METTL24: variants seen among roughly 807,000 people sequenced by gnomAD.
The protein encoded by METTL24 is methyltransferase like 24, also known as probable methyltransferase-like protein 24.
A neutral mutation model predicts 32.7 loss-of-function variants in METTL24; 29 were observed. That is an observed-to-expected ratio of 0.89 (90% CI 0.66 to 1.21). The LOEUF is 1.21. Among genes scored for constraint, METTL24 ranks in the 50% most tolerant of loss-of-function variants. METTL24 has a pLI of 0.00. For missense variants in METTL24, 439 were observed against 468.1 expected (o/e 0.94, Z 0.57); for synonymous variants, 163 against 179.5 (o/e 0.91, Z 0.73).
At chr6:110,345,655 T>C (rs1014714516) in intron 1 of METTL24, among the ~76,000 whole-genome samples, 3 of 152,238 alleles carry the variant, frequency 2.0e-5, no homozygotes, top group African/African-American at 7.2e-5. Context: ...AGGCCATTAC[T>C]GTTAGTAAAC....
At position 110,285,034 on chromosome 6, in the gene METTL24, C is replaced by A. The variant is rs922224861; in HGVS notation, c.786+13888G>T. Among the ~76,000 whole-genome samples the A allele has an allele frequency of 1.3e-5, 2 of 152,216 alleles. 1 individual carries two copies. Among genetic ancestry groups the A allele is most frequent in the South Asian group, 4.1e-4 (2 of 4,834 alleles). On this transcript the variant is annotated intron_variant, in intron 4 of 4. Coordinates refer to ENST00000338882, the MANE Select transcript of METTL24 (RefSeq NM_001123364.3). ...ATAAACAGCAGGCAAAAAGAATAAT[C>A]TCCATTTTCTGACTCTGAAGTGCAG...
At chr6:110,308,120 C>G (rs1009659791) in intron 3 of METTL24, among the ~76,000 whole-genome samples, 5 of 152,128 alleles carry the variant, frequency 3.3e-5, no homozygotes, top group African/African-American at 2.4e-5. Context: ...GGACTGTGCA[C>G]TGAACAACTC....
At chr6:110,326,952 G>T (rs1202065244) in intron 1 of METTL24, among the ~76,000 whole-genome samples, 4 of 152,202 alleles carry the variant, frequency 2.6e-5, no homozygotes, top group African/African-American at 9.6e-5. Flanking sequence ...AGCATTCTTT[G>T]GAAAGAGGCA....
At chr6:110,330,436 A>C (rs1772093179) in intron 1 of METTL24, among the ~76,000 whole-genome samples, 1 of 152,174 alleles carries the variant, frequency 6.6e-6, no homozygotes, top group Non-Finnish European at 1.5e-5. Flanking sequence ...TCATAGATTC[A>C]AAAACCGTAG....
At chr6:110,252,328 C>T (rs116075153) in intron 4 of METTL24, among the ~76,000 whole-genome samples, 10 of 152,276 alleles carry the variant, frequency 6.6e-5, no homozygotes, top group African/African-American at 1.4e-4. Context: ...TAAGTCCTCC[C>T]GACTTGGCTT....
chr6:110,347,285 T>A (rs1031912617), intron 1 of METTL24, among the ~76,000 whole-genome samples: 3 of 152,234 alleles, frequency 2.0e-5, no homozygotes, highest in African/African-American at 7.2e-5. Context: ...TGTTGAGCCC[T>A]GACTTCCCTG....
chr6:110,246,182 G>A lies in METTL24; in HGVS notation c.865C>T (p.Gln289Ter). 6.2e-7 allele frequency: 1 copy of A among 1,614,108 alleles called. No homozygotes were observed. Among genetic ancestry groups the A allele is most frequent in the Non-Finnish European group, 8.5e-7 (1 of 1,180,008 alleles). ...ENLILEDVLEQIGQLIFEIHL... is the reference protein window; with the variant it reads ...ENLILEDVLE ...ATCTCAAAGATGAGCTGTCCAATCT[G>A]CTCAAGAACATCTTCCAGAATAAGA... Residue 289 changes from glutamine (Q) to a stop codon, truncating the protein, a stop_gained, in exon 5 of 5, where the codon CAG becomes TAG. Transcript: ENST00000338882. LOFTEE classifies it high-confidence loss of function.
intron 1 of METTL24, among the ~76,000 whole-genome samples, chr6:110,348,649 C>T (rs1004857285): frequency 4.6e-5 from 7 of 152,240 alleles, no homozygotes; most frequent in South Asian, 2.1e-4. Context: ...GATTTGGGGA[C>T]GGATTCTGAA....
chr6:110,306,496 A>C (rs996451086), intron 3 of METTL24, among the ~76,000 whole-genome samples: 1 of 152,008 alleles, frequency 6.6e-6, no homozygotes, highest in African/African-American at 2.4e-5. Flanking sequence ...AAGCACACAC[A>C]TACACATATA....
rs147092641 is a variant in METTL24 at position 110,350,383 on chromosome 6, A to C, written c.318+7572T>G. On this transcript the variant is annotated intron_variant, in intron 1 of 4. Coordinates refer to ENST00000338882, the MANE Select transcript of METTL24 (RefSeq NM_001123364.3). ...TGTACTAGTTTCAGTTGGGTCTGCCACTTGCAACCCAGAGAGTCCTAACTG... is the reference window on the plus strand; with the variant it reads ...TGTACTAGTTTCAGTTGGGTCTGCCCCTTGCAACCCAGAGAGTCCTAACTG... 9.7e-4 allele frequency among the ~76,000 whole-genome samples: 147 copies of C among 152,274 alleles called. 2 individuals carry two copies. The highest frequency in any genetic ancestry group is 3.3e-3 in the African/African-American group (139 of 41,568).
chr6:110,280,907 CCTTT>C (rs1771125373), intron 4 of METTL24, among the ~76,000 whole-genome samples: 1 of 152,060 alleles, frequency 6.6e-6, no homozygotes, highest in Admixed American at 6.6e-5. Flanking sequence ...CCCACCTCAG[CCTTT>C]CTAAGTGCTG....
chr6:110,268,089 T>C (rs1283187774), intron 4 of METTL24, among the ~76,000 whole-genome samples: 2 of 152,162 alleles, frequency 1.3e-5, no homozygotes. Flanking sequence ...AACCAGCTAG[T>C]CAGCAGGCTA....
chr6:110,351,534 C>G (rs1362783364), intron 1 of METTL24, among the ~76,000 whole-genome samples: 1 of 152,098 alleles, frequency 6.6e-6, no homozygotes, highest in Non-Finnish European at 1.5e-5. Context: ...TCTAGGTGCT[C>G]AAGTCCAAGG....
intron 4 of METTL24, among the ~76,000 whole-genome samples, chr6:110,275,346 TGC>T (rs1562222921): frequency 6.6e-6 from 1 of 152,088 alleles, no homozygotes; most frequent in African/African-American, 2.4e-5. Flanking sequence ...TTACCCTCTG[TGC>T]CAGCCATGCT....
At chr6:110,282,924 C>T (rs1241148059) in intron 4 of METTL24, among the ~76,000 whole-genome samples, 4 of 152,036 alleles carry the variant, frequency 2.6e-5, no homozygotes, top group Non-Finnish European at 4.4e-5. Flanking sequence ...ATCTGATAAA[C>T]GGATTCTTTT....
chr6:110,295,275 T>C (rs1480265616), intron 4 of METTL24, among the ~76,000 whole-genome samples: 1 of 152,164 alleles, frequency 6.6e-6, no homozygotes, highest in Non-Finnish European at 1.5e-5. Flanking sequence ...TAATTTAATT[T>C]CAAAGCCCAT....
At chr6:110,274,880 C>T (rs1008887080) in intron 4 of METTL24, among the ~76,000 whole-genome samples, 1 of 147,882 alleles carries the variant, frequency 6.8e-6, no homozygotes, top group Non-Finnish European at 1.5e-5. Flanking sequence ...CTCACTACAA[C>T]CTCCACCTCT....
At chr6:110,340,921 C>T (rs1414223945) in intron 1 of METTL24, among the ~76,000 whole-genome samples, 5 of 152,046 alleles carry the variant, frequency 3.3e-5, no homozygotes, top group Admixed American at 2.6e-4. Context: ...TAACTATAAC[C>T]TAAGAATTCC....
rs1414249011 is a variant in METTL24, at chr6:110,282,609, G to A, written c.786+16313C>T. Among the ~76,000 whole-genome samples, 3 of 152,212 alleles carry A rather than the reference G, an allele frequency of 2.0e-5. No homozygotes were observed. In the East Asian group the frequency reaches 5.8e-4, roughly 29 times the overall value. On this transcript the variant is annotated intron_variant, in intron 4 of 4. Coordinates refer to ENST00000338882, the MANE Select transcript of METTL24 (RefSeq NM_001123364.3). ...GTTGAGAGCCAGCAACTCCCACTGG[G>A]CACCACGGCCCAATGCCTGCTACCT...
Sources: allele counts gnomAD v4.1 joint callset (sites outside exome capture counted in the v4.1 genomes callset), GRCh38; gene constraint gnomAD v4.1.1; transcripts MANE v1.5; gene names NCBI Gene and HGNC (gene_info 2026-07-23, HGNC 2026-07-21).